The following SPECC1 variants were observed in gnomAD, a reference collection of about 807,000 sequenced individuals.
SPECC1 encodes cytospin-B.
SPECC1 carries 62 observed loss-of-function variants against 104.1 expected under a neutral mutation model. The observed-to-expected ratio is 0.60, with a 90% CI of 0.49 to 0.74. The LOEUF (loss-of-function observed/expected upper bound fraction) is 0.74. Among genes scored for constraint, SPECC1 ranks in the 30% least tolerant of loss-of-function variants. SPECC1 has a pLI of 0.00. For missense variants in SPECC1, 1,306 were observed against 1,310.5 expected (o/e 1.00, Z 0.05); for synonymous variants, 513 against 501.6 (o/e 1.02, Z -0.30).
intron 14 of SPECC1, 128 bp downstream of exon 14, chr17:20,306,210 A>G: frequency 1.4e-6 from 1 of 738,374 alleles, no homozygotes; most frequent in Non-Finnish European, 2.3e-6. Flanking sequence ...CTCAATACCT[A>G]ATATAGAGTT....
In SPECC1 at chr17:20,316,719, CAG is replaced by C. The variant is rs1250013551; in HGVS notation, c.*2657_*2658del. On this transcript the variant is annotated 3_prime_UTR_variant, in exon 15 of 15. Coordinates refer to ENST00000395527, the MANE Select transcript of SPECC1 (RefSeq NM_001243439.2). ...TGTTTGTTTGTTTTTTTTTTTGAGACAGAGTCTTGCTCTGTCGCCCAGGCTGG... is the reference window on the plus strand; with the variant it reads ...TGTTTGTTTGTTTTTTTTTTTGAGACAGTCTTGCTCTGTCGCCCAGGCTGG... 20 of 187,328 alleles carry C rather than the reference CAG, an allele frequency of 1.1e-4. No homozygotes were observed. The Middle Eastern group carries it at 5.6e-3, about 52-fold the overall frequency. 11.6% of individuals were successfully genotyped at this position (187,328 alleles called of 1,614,324 possible).
rs750671936 is a variant in SPECC1, at chr17:20,232,414, G to T, written c.2351+9G>T. 2 of 1,600,018 alleles carry T rather than the reference G, an allele frequency of 1.2e-6. No individual in the cohort carries two copies. Among genetic ancestry groups the T allele is most frequent in the Non-Finnish European group, 1.7e-6 (2 of 1,173,200 alleles). On this transcript the variant is annotated intron_variant, in intron 7 of 14. Coordinates refer to ENST00000395527, the MANE Select transcript of SPECC1 (RefSeq NM_001243439.2). ...AGCAGAGCCGCCCCTCCGTGAGTCTGGTGGGCACCAGGGCCGTGCTTGCTT... is the reference window on the plus strand; with the variant it reads ...AGCAGAGCCGCCCCTCCGTGAGTCTTGTGGGCACCAGGGCCGTGCTTGCTT...
chr17:20,156,509 C>T (rs2032554407), intron 3 of SPECC1, among the ~76,000 whole-genome samples: 2 of 152,208 alleles, frequency 1.3e-5, no homozygotes, highest in South Asian at 4.1e-4. Context: ...GGGTTCCCCA[C>T]TCCGCGCCTG....
intron 14 of SPECC1, among the ~76,000 whole-genome samples, chr17:20,313,531 A>G (rs1231373786): frequency 6.6e-6 from 1 of 152,234 alleles, no homozygotes; most frequent in Non-Finnish European, 1.5e-5. Flanking sequence ...GCACAGTGGC[A>G]CAGCAGCACG....
At chr17:20,042,221 A>G (rs1159187502) in intron 1 of SPECC1, among the ~76,000 whole-genome samples, 3 of 152,122 alleles carry the variant, frequency 2.0e-5, no homozygotes, top group African/African-American at 7.2e-5. Flanking sequence ...ATTGACACCC[A>G]ATGGGGTGGG....
At chr17:20,263,295 C>A (rs977901803) in intron 12 of SPECC1, among the ~76,000 whole-genome samples, 3 of 147,600 alleles carry the variant, frequency 2.0e-5, no homozygotes, top group South Asian at 2.1e-4. Context: ...AACCAAGGGG[C>A]CTTCCTTCAT....
chr17:20,252,166 A>G (rs2039656783), intron 9 of SPECC1, among the ~76,000 whole-genome samples: 1 of 152,208 alleles, frequency 6.6e-6, no homozygotes, highest in African/African-American at 2.4e-5. Context: ...TTTAAATGGC[A>G]GTAAAAAAAA....
intron 1 of SPECC1, among the ~76,000 whole-genome samples, chr17:20,058,554 G>A (rs1425299373): frequency 1.3e-5 from 2 of 152,142 alleles, no homozygotes; most frequent in Non-Finnish European, 2.9e-5. Flanking sequence ...AGCTACTCAG[G>A]AAGTTTAGGT....
At chr17:20,244,870 T>C (rs1437517359) in intron 7 of SPECC1, among the ~76,000 whole-genome samples, 1 of 152,214 alleles carries the variant, frequency 6.6e-6, no homozygotes, top group Non-Finnish European at 1.5e-5. Context: ...AGTTCTTGTC[T>C]TGGCTCCTTC....
At chr17:20,101,100 A>T (rs147491532) in intron 2 of SPECC1, among the ~76,000 whole-genome samples, 3 of 152,130 alleles carry the variant, frequency 2.0e-5, no homozygotes, top group Admixed American at 2.0e-4. Context: ...AGTTTTTGCT[A>T]TTGAAAATAG....
intron 2 of SPECC1, among the ~76,000 whole-genome samples, chr17:20,105,108 G>T (rs1020776324): frequency 6.6e-6 from 1 of 151,556 alleles, no homozygotes; most frequent in Middle Eastern, 3.4e-3. Context: ...TTTTCGGTGG[G>T]GGGGCGGGAG....
intron 12 of SPECC1, among the ~76,000 whole-genome samples, chr17:20,291,246 TG>T (rs998594229): frequency 3.3e-5 from 5 of 152,204 alleles, no homozygotes; most frequent in African/African-American, 1.2e-4. Context: ...CTCTAGAATC[TG>T]CCCTCTCCCA....
intron 1 of SPECC1, among the ~76,000 whole-genome samples, chr17:20,042,496 A>C (rs1292655701): frequency 6.6e-6 from 1 of 152,204 alleles, no homozygotes; most frequent in Non-Finnish European, 1.5e-5. Context: ...GGTTCCCCTG[A>C]CACTGCTGGC....
chr17:20,073,592 C>G (rs1158271800), intron 1 of SPECC1: 1 of 152,294 alleles, frequency 6.6e-6, no homozygotes, highest in African/African-American at 2.4e-5. Context: ...TGCCCGGCCC[C>G]CTCCGAGTGT....
chr17:20,207,107 T>G (rs777524157), intron 4 of SPECC1, among the ~76,000 whole-genome samples: 2 of 152,170 alleles, frequency 1.3e-5, no homozygotes, highest in Non-Finnish European at 2.9e-5. Flanking sequence ...TGGGTCTGAT[T>G]TAGGGATCTA....
chr17:20,204,561 G>A lies in SPECC1; in HGVS notation c.512G>A (p.Arg171Gln), dbSNP rs781301820. The change falls in exon 4 of 15, where the codon CGG (arginine) becomes CAG (glutamine). Residue 171 changes from arginine (R) to glutamine (Q), a missense_variant. By Grantham distance (43) the Arg-to-Gln change is conservative. This residue lies in a region of SPECC1 where 1,177 missense variants were observed against 1,139.9 expected (regional missense o/e 1.03). Transcript: ENST00000395527. ...GEKAALESQV[R>Q]ELLAEAKAKD... is the part of the protein sequence containing the mutation. ...AAGGCTGCGCTTGAGTCCCAAGTTCGGGAACTTTTGGCAGAAGCCAAAGCA... is the reference window on the plus strand; with the variant it reads ...AAGGCTGCGCTTGAGTCCCAAGTTCAGGAACTTTTGGCAGAAGCCAAAGCA... 2.5e-6 allele frequency: 4 copies of A among 1,614,124 alleles called. No individual in the cohort carries two copies. In the East Asian group the frequency reaches 6.7e-5, roughly 27 times the overall value.
At chr17:20,054,557 ATGTC>A (rs1160418879) in intron 1 of SPECC1, among the ~76,000 whole-genome samples, 1 of 151,940 alleles carries the variant, frequency 6.6e-6, no homozygotes, top group Non-Finnish European at 1.5e-5. Flanking sequence ...TTGTCTCTCA[ATGTC>A]TGTTTTTCAG....
intron 1 of SPECC1, among the ~76,000 whole-genome samples, chr17:20,060,394 C>G (rs2046140527): frequency 6.6e-6 from 1 of 152,110 alleles, no homozygotes; most frequent in Non-Finnish European, 1.5e-5. Context: ...TGTCTGTAAT[C>G]CCAATGCTTT....
At chr17:20,148,543 G>GAAAAA (rs10667828) in intron 3 of SPECC1, among the ~76,000 whole-genome samples, 7 of 136,164 alleles carry the variant, frequency 5.1e-5, no homozygotes, top group African/African-American at 1.6e-4. Context: ...ATGTGCACTA[G>GAAAAA]AAAAAAAAAA....
Sources: gnomAD v4.1 joint callset for allele counts (sites outside exome capture counted in the v4.1 genomes callset) on GRCh38, gnomAD v4.1.1 for gene constraint, gnomAD v4.1.1 regional missense constraint, MANE v1.5 for transcripts, NCBI Gene and HGNC (gene_info 2026-07-23, HGNC 2026-07-21) for gene names.